Variants in ARHGAP15 observed in about 807,000 individuals in gnomAD.
ARHGAP15 encodes Rho GTPase activating protein 15.
Under a neutral mutation model 63.7 loss-of-function variants are expected in ARHGAP15, and 51 were observed. The ratio of observed to expected loss-of-function variants is 0.80; its 90% confidence interval spans 0.64 to 1.01. ARHGAP15 has a LOEUF of 1.01. Among genes scored for constraint, ARHGAP15 ranks in the 50% least tolerant of loss-of-function variants. ARHGAP15 has a pLI of 0.00. For synonymous variants in ARHGAP15, 191 were observed against 193.8 expected (o/e 0.99, Z 0.12); for missense variants, 560 against 564.6 (o/e 0.99, Z 0.08).
chr2:143,548,528 CCTTCT>C (rs1026615094), intron 10 of ARHGAP15, among the ~76,000 whole-genome samples: 11 of 151,818 alleles, frequency 7.2e-5, no homozygotes, highest in South Asian at 2.1e-4. Context: ...AAAAAAAAAT[CCTTCT>C]CTTAGTGACC....
chr2:143,705,375 A>G (rs1684281819), intron 13 of ARHGAP15, among the ~76,000 whole-genome samples: 1 of 152,202 alleles, frequency 6.6e-6, no homozygotes, highest in Non-Finnish European at 1.5e-5. Flanking sequence ...AAATAGAAAG[A>G]GAGACCTAGA....
At chr2:143,595,919 C>A (rs1003757729) in intron 11 of ARHGAP15, among the ~76,000 whole-genome samples, 1 of 152,018 alleles carries the variant, frequency 6.6e-6, no homozygotes, top group African/African-American at 2.4e-5. Flanking sequence ...AAGATCCATC[C>A]CTTAAACTGA....
chr2:143,710,875 T>C (rs534942478), intron 13 of ARHGAP15, among the ~76,000 whole-genome samples: 88 of 152,328 alleles, frequency 5.8e-4, no homozygotes, highest in African/African-American at 2.1e-3. Context: ...TCCCTTTTGT[T>C]CAGGTGTTAA....
chr2:143,509,269 A>G (rs760339264), intron 9 of ARHGAP15, among the ~76,000 whole-genome samples: 5 of 151,736 alleles, frequency 3.3e-5, no homozygotes, highest in Non-Finnish European at 7.4e-5. Context: ...ACTCCTATTT[A>G]TTTAGATTCC....
At chr2:143,278,167 C>T (rs555347751) in intron 6 of ARHGAP15, among the ~76,000 whole-genome samples, 2 of 152,298 alleles carry the variant, frequency 1.3e-5, no homozygotes, top group African/African-American at 4.8e-5. Flanking sequence ...TTCCTTCTTC[C>T]TGTCCTGTCA....
intron 12 of ARHGAP15, among the ~76,000 whole-genome samples, chr2:143,666,890 G>A (rs1682227308): frequency 6.8e-6 from 1 of 147,742 alleles, no homozygotes; most frequent in Admixed American, 6.7e-5. Flanking sequence ...ACACCAGTTA[G>A]AATGGCAATC....
At chr2:143,540,666 G>A (rs1402423126) in intron 10 of ARHGAP15, among the ~76,000 whole-genome samples, 5 of 152,112 alleles carry the variant, frequency 3.3e-5, no homozygotes, top group East Asian at 3.9e-4. Context: ...GAAATTCTGG[G>A]TTGAAAATTC....
chr2:143,516,413 A>G (rs1167868634), intron 9 of ARHGAP15, among the ~76,000 whole-genome samples: 1 of 151,968 alleles, frequency 6.6e-6, no homozygotes, highest in East Asian at 1.9e-4. Context: ...CACACACTGC[A>G]CACCACGTCT....
At chr2:143,172,126 A>G (rs1025583052) in intron 2 of ARHGAP15, 8 of 152,174 alleles carry the variant, frequency 5.3e-5, no homozygotes, top group African/African-American at 1.7e-4. Context: ...TTCCATGGAA[A>G]GCCCATTCAG....
chr2:143,542,512 T>C (rs1345731529), intron 10 of ARHGAP15, among the ~76,000 whole-genome samples: 2 of 151,698 alleles, frequency 1.3e-5, no homozygotes, highest in African/African-American at 2.4e-5. Context: ...TTCGGCCATC[T>C]TGGCTCTACC....
chr2:143,355,155 T>C (rs1685753650), intron 6 of ARHGAP15, among the ~76,000 whole-genome samples: 1 of 152,198 alleles, frequency 6.6e-6, no homozygotes, highest in East Asian at 1.9e-4. Context: ...TGAAGCTGTG[T>C]AAAAATATTT....
chr2:143,228,348 C>G (rs16858911), intron 4 of ARHGAP15, among the ~76,000 whole-genome samples: 7,429 of 152,092 alleles, frequency 0.049, 569 homozygotes, highest in African/African-American at 0.17. Context: ...TTAGGAGGAT[C>G]TATAAATTAA....
chr2:143,460,511 G>T (rs1417710914), intron 8 of ARHGAP15, among the ~76,000 whole-genome samples: 1 of 152,114 alleles, frequency 6.6e-6, no homozygotes. Context: ...ACATCTAGAA[G>T]ACAAAGTATC....
chr2:143,683,913 G>A (rs1683211825), intron 12 of ARHGAP15, among the ~76,000 whole-genome samples: 4 of 151,994 alleles, frequency 2.6e-5, no homozygotes, highest in Middle Eastern at 6.8e-3. Flanking sequence ...TGTCTTGATG[G>A]GACTTTTAAT....
intron 10 of ARHGAP15, among the ~76,000 whole-genome samples, chr2:143,547,033 G>A (rs1365447556): frequency 6.6e-6 from 1 of 152,074 alleles, no homozygotes; most frequent in Non-Finnish European, 1.5e-5. Context: ...GACCACTGAT[G>A]CTAGGTTCTT....
At chr2:143,237,315 G>C (rs945746437) in intron 5 of ARHGAP15, 1 of 152,156 alleles carries the variant, frequency 6.6e-6, no homozygotes, top group Admixed American at 6.6e-5. Context: ...TTACGACAGA[G>C]AAAATTGTAA....
At chr2:143,707,114 T>C (rs1017638194) in intron 13 of ARHGAP15, among the ~76,000 whole-genome samples, 1 of 152,118 alleles carries the variant, frequency 6.6e-6, no homozygotes, top group Non-Finnish European at 1.5e-5. Context: ...TTGCATGATG[T>C]GCTCAGTGTT....
At chr2:143,225,241 G>A (rs1218512628) in intron 4 of ARHGAP15, among the ~76,000 whole-genome samples, 1 of 151,988 alleles carries the variant, frequency 6.6e-6, no homozygotes, top group African/African-American at 2.4e-5. Context: ...GTAAACTCAT[G>A]TCTTTCAGTT....
At position 143,417,619 on chromosome 2, in the gene ARHGAP15, T is replaced by C. The variant is rs189359369; in HGVS notation, c.475-17982T>C. Among the ~76,000 whole-genome samples the C allele has an allele frequency of 2.0e-5, 3 of 152,298 alleles. No homozygotes were observed. The East Asian group carries it at 5.8e-4, about 29-fold the overall frequency. On this transcript the variant is annotated intron_variant, in intron 6 of 13. Coordinates refer to ENST00000295095, the MANE Select transcript of ARHGAP15 (RefSeq NM_018460.4). Reference sequence around the variant, plus strand: ...CAGAAGCACCAAGTAGTGAAATGACTTGTGCAGGACTGAGCTTGTGAATGA... The same window carrying C: ...CAGAAGCACCAAGTAGTGAAATGACCTGTGCAGGACTGAGCTTGTGAATGA...
Sources: gnomAD v4.1 joint callset for allele counts (sites outside exome capture counted in the v4.1 genomes callset) on GRCh38, gnomAD v4.1.1 for gene constraint, MANE v1.5 for transcripts, NCBI Gene and HGNC (gene_info 2026-07-23, HGNC 2026-07-21) for gene names.